The following ADGRL2 variants were observed in gnomAD, a reference collection of about 807,000 sequenced individuals.
ADGRL2 encodes adhesion G protein-coupled receptor L2.
In ADGRL2, 44 loss-of-function variants were observed where a neutral mutation model predicts 157.4. The ratio of observed to expected loss-of-function variants is 0.28; its 90% CI spans 0.22 to 0.36. The LOEUF (loss-of-function observed/expected upper bound fraction) is 0.36. Ranked by LOEUF, ADGRL2 falls within the 10% of genes least tolerant of loss-of-function variation. The probability of loss-of-function intolerance (pLI) is 1.00; values close to 1 mark genes in which losing one functional copy is unlikely to be tolerated. For synonymous variants in ADGRL2, 585 were observed against 624.7 expected (o/e 0.94, Z 0.95); for missense variants, 1,510 against 1,768.9 (o/e 0.85, Z 2.63).
chr1:81,488,665 C>T (rs1309516669), intron 2 of ADGRL2, among the ~76,000 whole-genome samples: 1 of 151,910 alleles, frequency 6.6e-6, no homozygotes, highest in Non-Finnish European at 1.5e-5. Context: ...AAAGATCATG[C>T]TGCTGCACTC....
intron 3 of ADGRL2, among the ~76,000 whole-genome samples, chr1:81,616,030 C>T (rs922287981): frequency 6.6e-6 from 1 of 151,722 alleles, no homozygotes; most frequent in Non-Finnish European, 1.5e-5. Flanking sequence ...GCACTCAAGC[C>T]TCACCCTTCC....
chr1:81,507,158 A>G (rs1429107352), intron 2 of ADGRL2, among the ~76,000 whole-genome samples: 1 of 152,154 alleles, frequency 6.6e-6, no homozygotes, highest in Non-Finnish European at 1.5e-5. Context: ...CTTCTCTGAT[A>G]GGATGCTACT....
At chr1:81,971,687 G>A (rs1658798778) in intron 16 of ADGRL2, among the ~76,000 whole-genome samples, 165 bp from the exon 17 acceptor site, 1 of 151,274 alleles carries the variant, frequency 6.6e-6, no homozygotes, top group African/African-American at 2.4e-5. Flanking sequence ...CCTTTGTTAA[G>A]TCAAAGCCAA....
intron 2 of ADGRL2, among the ~76,000 whole-genome samples, chr1:81,533,171 G>T (rs769368419): frequency 7.2e-5 from 11 of 152,108 alleles, no homozygotes; most frequent in Non-Finnish European, 1.6e-4. Flanking sequence ...CTGAGGTCAG[G>T]AGTTCAAGAC....
intron 3 of ADGRL2, among the ~76,000 whole-genome samples, chr1:81,675,934 C>CT (rs1300912300): frequency 9.2e-5 from 14 of 152,068 alleles, no homozygotes; most frequent in African/African-American, 3.4e-4. Flanking sequence ...TAAATTGGTC[C>CT]TAACACCTAC....
chr1:81,766,156 C>G (rs1239544704), intron 2 of ADGRL2, among the ~76,000 whole-genome samples: 1 of 152,134 alleles, frequency 6.6e-6, no homozygotes, highest in African/African-American at 2.4e-5. Flanking sequence ...GGAGTTCACT[C>G]TGAGTGCTGA....
chr1:81,823,920 A>G (rs757095907), intron 1 of ADGRL2, among the ~76,000 whole-genome samples: 9 of 151,932 alleles, frequency 5.9e-5, no homozygotes, highest in Non-Finnish European at 1.0e-4. Context: ...AAGTGTAGAT[A>G]TATTTGCTAA....
chr1:81,350,354 G>A (rs933292165), intron 1 of ADGRL2, among the ~76,000 whole-genome samples: 1 of 152,194 alleles, frequency 6.6e-6, no homozygotes, highest in Non-Finnish European at 1.5e-5. Flanking sequence ...ACTGTAGAGT[G>A]AGGTTTATGA....
intron 1 of ADGRL2, among the ~76,000 whole-genome samples, chr1:81,341,282 T>C (rs1443519275): frequency 6.6e-6 from 1 of 152,106 alleles, no homozygotes; most frequent in Non-Finnish European, 1.5e-5. Context: ...TGAAAGGCCA[T>C]GGAACTATTT....
At chr1:81,479,050 T>A (rs2078330271) in intron 2 of ADGRL2, among the ~76,000 whole-genome samples, 1 of 152,322 alleles carries the variant, frequency 6.6e-6, no homozygotes, top group Admixed American at 6.5e-5. Flanking sequence ...TCTTATTATA[T>A]ATTGTGTTTG....
chr1:81,985,151 C>T (rs1455417200), intron 20 of ADGRL2, 108 bp from the exon 21 acceptor site: 2 of 539,020 alleles, frequency 3.7e-6, no homozygotes, highest in South Asian at 3.4e-5. Flanking sequence ...TAAAAGGCCA[C>T]CAGATAATCC....
intron 2 of ADGRL2, among the ~76,000 whole-genome samples, chr1:81,520,771 T>C (rs545777079): frequency 9.9e-5 from 15 of 152,196 alleles, no homozygotes; most frequent in Non-Finnish European, 1.8e-4. Flanking sequence ...TGGGTAGTTC[T>C]TCAGCAAGGT....
chr1:81,478,692 ATGCTAT>A (rs1409761896), intron 2 of ADGRL2, among the ~76,000 whole-genome samples: 1 of 152,034 alleles, frequency 6.6e-6, no homozygotes, highest in Non-Finnish European at 1.5e-5. Flanking sequence ...ATTCTTCTTA[ATGCTAT>A]TCACATTAAG....
At chr1:81,928,658 A>G (rs1359187311) in intron 3 of ADGRL2, among the ~76,000 whole-genome samples, 2 of 152,116 alleles carry the variant, frequency 1.3e-5, no homozygotes, top group African/African-American at 2.4e-5. Context: ...TGTAATTCCT[A>G]TTCTATTAAT....
At chr1:81,388,876 T>G (rs2076485564) in intron 1 of ADGRL2, among the ~76,000 whole-genome samples, 1 of 152,202 alleles carries the variant, frequency 6.6e-6, no homozygotes, top group Non-Finnish European at 1.5e-5. Flanking sequence ...TGCTTATTAC[T>G]GATTCCCTCA....
chr1:81,662,403 A>C (rs188008743), intron 3 of ADGRL2, among the ~76,000 whole-genome samples: 3 of 151,188 alleles, frequency 2.0e-5, no homozygotes, highest in Non-Finnish European at 4.4e-5. Context: ...TTACAGGTGC[A>C]TGCCACCATG....
chr1:81,814,417 T>C (rs929210171), intron 1 of ADGRL2, among the ~76,000 whole-genome samples: 2 of 151,360 alleles, frequency 1.3e-5, no homozygotes, highest in Non-Finnish European at 3.0e-5. Context: ...ATTTTAAATA[T>C]AAATTTTATA....
chr1:81,730,670 C>T (rs1432558429), intron 1 of ADGRL2, among the ~76,000 whole-genome samples: 1 of 151,914 alleles, frequency 6.6e-6, no homozygotes, highest in East Asian at 1.9e-4. Context: ...CTGCAGTGAA[C>T]CGAGATTGTG....
chr1:81,629,833 C>G (rs1426749358), intron 3 of ADGRL2, among the ~76,000 whole-genome samples: 1 of 151,840 alleles, frequency 6.6e-6, no homozygotes, highest in East Asian at 1.9e-4. Context: ...TCAAGTGATC[C>G]TCCTACCTCA....
Sources: gnomAD v4.1 joint callset for allele counts (sites outside exome capture counted in the v4.1 genomes callset) on GRCh38, gnomAD v4.1.1 for gene constraint, MANE v1.5 for transcripts, NCBI Gene and HGNC (gene_info 2026-07-23, HGNC 2026-07-21) for gene names.